The following QSOX2 variants were observed in gnomAD, a reference collection of about 807,000 sequenced individuals.
QSOX2 encodes quiescin sulfhydryl oxidase 2.
Under a neutral mutation model 61.7 loss-of-function variants are expected in QSOX2, and 46 were observed. The observed-to-expected ratio is 0.75, with a 90% CI of 0.59 to 0.95. QSOX2 has a LOEUF of 0.95. Ranked by LOEUF, QSOX2 falls within the 40% of genes least tolerant of loss-of-function variation. QSOX2 has a pLI of 0.00. For synonymous variants in QSOX2, 383 were observed against 388.4 expected (o/e 0.99, Z 0.16); for missense variants, 879 against 918.9 (o/e 0.96, Z 0.56).
chr9:136,220,052 G>A (rs1220896695), intron 6 of QSOX2, among the ~76,000 whole-genome samples: 5 of 152,178 alleles, frequency 3.3e-5, no homozygotes, highest in African/African-American at 1.2e-4. Context: ...CTATTTTTGA[G>A]ACAGGATCTT....
Position 136,208,884 on chromosome 9 carries a change from C to G in QSOX2, c.1941G>C (p.Gly647=). The change falls in exon 12 of 12, where the codon GGG becomes GGC. Residue 647 remains glycine (G), a synonymous_variant. Coordinates refer to ENST00000358701, the MANE Select transcript of QSOX2 (RefSeq NM_181701.4). ...DGPGAHKEVG[G]AAPFLGVDFS... is the part of the protein sequence containing the mutation. ...AGTCAACCCCGAGGAAGGGTGCGGCCCCGCCCACCTCCTTGTGGGCCCCGG... is the reference window on the plus strand; with the variant it reads ...AGTCAACCCCGAGGAAGGGTGCGGCGCCGCCCACCTCCTTGTGGGCCCCGG... The G allele has an allele frequency of 6.2e-7, 1 of 1,613,994 alleles. No individual in the cohort carries two copies. The highest frequency in any genetic ancestry group is 1.1e-5 in the South Asian group (1 of 91,084).
At chr9:136,219,003 G>A (rs1348937365) in intron 7 of QSOX2, 27 bp downstream of exon 7, 2 of 1,613,010 alleles carry the variant, frequency 1.2e-6, no homozygotes, top group African/African-American at 2.7e-5. Flanking sequence ...CTGTCTCCGG[G>A]GGCTTCAGTT....
intron 1 of QSOX2, among the ~76,000 whole-genome samples, chr9:136,241,500 GC>G (rs982479621): frequency 2.0e-5 from 3 of 152,152 alleles, no homozygotes; most frequent in Non-Finnish European, 4.4e-5. Context: ...ATCACAGAAT[GC>G]CCTACCCTTC....
chr9:136,217,254 G>A (rs952320496), intron 8 of QSOX2, among the ~76,000 whole-genome samples: 10 of 152,226 alleles, frequency 6.6e-5, no homozygotes, highest in East Asian at 1.9e-4. Flanking sequence ...TTGGGGAGGC[G>A]TCTGGCTGAG....
chr9:136,223,735 A>ACACCTGGAGCCCACGCAGAGGCCG lies in QSOX2; in HGVS notation c.675+4_675+27dup, dbSNP rs1564293166. On this transcript the variant is annotated intron_variant, in intron 5 of 11. Coordinates refer to ENST00000358701, the MANE Select transcript of QSOX2 (RefSeq NM_181701.4). This position sits in a 1 kb window ranked among gnomAD's most constrained non-coding sequence, Gnocchi z 4.4. ...GCCAACCCCAATCACACCACGTGTG[A>ACACCTGGAGCCCACGCAGAGGCCG]CACCTGGAGCCCACGCAGAGGCCGT... 1 of 1,589,280 alleles carries ACACCTGGAGCCCACGCAGAGGCCG rather than the reference A, an allele frequency of 6.3e-7. No homozygotes were observed. Among genetic ancestry groups the ACACCTGGAGCCCACGCAGAGGCCG allele is most frequent in the Non-Finnish European group, 8.6e-7 (1 of 1,159,626 alleles).
chr9:136,245,378 G>T, intron 1 of QSOX2, 98 bp downstream of exon 1: 1 of 1,002,988 alleles, frequency 1.0e-6, no homozygotes, highest in Non-Finnish European at 1.4e-6. Context: ...AAATACGGGG[G>T]AGGGGCCCCG....
At chr9:136,218,065 C>T (rs189975906) in intron 8 of QSOX2, among the ~76,000 whole-genome samples, 7 of 152,324 alleles carry the variant, frequency 4.6e-5, no homozygotes, top group South Asian at 2.1e-4. Flanking sequence ...AACAAGCAAC[C>T]GAGCTCATGG....
rs782247963 is a variant in QSOX2, at chr9:136,245,479, G to A, written c.325C>T (p.Arg109Ter). 1.3e-6 allele frequency: 2 copies of A among 1,589,854 alleles called. No individual in the cohort carries two copies. Among genetic ancestry groups the A allele is most frequent in the South Asian group, 1.1e-5 (1 of 90,448 alleles). Residue 109 changes from arginine (R) to a stop codon, truncating the protein, a stop_gained, in exon 1 of 12, where the codon CGA becomes TGA. Transcript: ENST00000358701. LOFTEE classifies it high-confidence loss of function. ...PTWRALAGDV[R>*]DWASAIRVAA... ...CCCGCGCGGGGGCGCGCCTCACCTC[G>A]CACATCCCCAGCCAGGGCCCGCCAA...
At chr9:136,236,503 G>C (rs1830383270) in intron 1 of QSOX2, among the ~76,000 whole-genome samples, 1 of 152,252 alleles carries the variant, frequency 6.6e-6, no homozygotes, top group Non-Finnish European at 1.5e-5. Context: ...CACGACAGCA[G>C]AAGAGCCAGC....
At chr9:136,226,960 G>A (rs759486241) in intron 1 of QSOX2, 86 bp from the exon 2 acceptor site, 113 of 1,113,500 alleles carry the variant, frequency 1.0e-4, no homozygotes, top group East Asian at 3.1e-4. Context: ...TCCAGGCTGC[G>A]GCCACCTGCG....
At chr9:136,241,978 T>C (rs1824594153) in intron 1 of QSOX2, among the ~76,000 whole-genome samples, 1 of 152,148 alleles carries the variant, frequency 6.6e-6, no homozygotes, top group South Asian at 2.1e-4. Flanking sequence ...ATCTCACCGG[T>C]CAGACGGGCC....
intron 1 of QSOX2, among the ~76,000 whole-genome samples, chr9:136,227,700 C>G (rs1830294433): frequency 6.6e-6 from 1 of 152,190 alleles, no homozygotes; most frequent in Non-Finnish European, 1.5e-5. Flanking sequence ...CTCCACTGGG[C>G]ATGGTGGCTC....
chr9:136,209,741 T>G lies in QSOX2; in HGVS notation c.1550-466A>C, dbSNP rs895410074. On this transcript the variant is annotated intron_variant, in intron 11 of 11. Coordinates refer to ENST00000358701, the MANE Select transcript of QSOX2 (RefSeq NM_181701.4). The surrounding 1 kb of genome is among the most constrained non-coding windows in gnomAD (Gnocchi z 5.6). ...CAGAGCCCCGGCCACCTGGGTGCTA[T>G]GGACAGTGGGCCTTAGGTGCACCTT... The G allele has an allele frequency of 4.1e-6, 4 of 984,776 alleles. No individual in the cohort carries two copies. In the African/African-American group the frequency reaches 7.0e-5, roughly 17 times the overall value. 61.0% of individuals were successfully genotyped at this position (984,776 alleles called of 1,614,324 possible).
At chr9:136,217,831 G>A (rs1188386036) in intron 8 of QSOX2, among the ~76,000 whole-genome samples, 5 of 152,258 alleles carry the variant, frequency 3.3e-5, no homozygotes, top group Non-Finnish European at 7.3e-5. Context: ...AGGCCAGCTA[G>A]AGATTTCTGA....
At chr9:136,240,571 T>C (rs1830426297) in intron 1 of QSOX2, among the ~76,000 whole-genome samples, 1 of 152,192 alleles carries the variant, frequency 6.6e-6, no homozygotes, top group Non-Finnish European at 1.5e-5. Flanking sequence ...GAGCCCCCTC[T>C]TGGCTGAGCA....
At position 136,236,368 on chromosome 9, in the gene QSOX2, G is replaced by A. The variant is rs540833049; in HGVS notation, c.328+9108C>T. 8.5e-5 allele frequency among the ~76,000 whole-genome samples: 13 copies of A among 152,362 alleles called. No homozygotes were observed. In the East Asian group the frequency reaches 1.7e-3, roughly 20 times the overall value. The stretch of plus-strand genomic sequence containing the variant: ...TGATTCTCCTTCAGCCGGACTAGAC[G>A]GATATTCACAGGTATCTGAAACAGG... On this transcript the variant is annotated intron_variant, in intron 1 of 11. Coordinates refer to ENST00000358701, the MANE Select transcript of QSOX2 (RefSeq NM_181701.4).
At chr9:136,211,188 C>T (rs529948862) in intron 11 of QSOX2, 76 bp downstream of exon 11, 57 of 1,475,316 alleles carry the variant, frequency 3.9e-5, no homozygotes, top group Admixed American at 3.2e-4. Flanking sequence ...CCACGGCAGC[C>T]GTGCCGTCCT....
rs139939482 is a variant in QSOX2, at chr9:136,219,147, G to A, written c.839C>T (p.Ala280Val). The change falls in exon 7 of 12, where the codon GCC (alanine) becomes GTC (valine). Residue 280 changes from alanine to valine, a missense_variant. By Grantham distance (64) the Ala-to-Val change is moderately conservative. Coordinates refer to ENST00000358701, the MANE Select transcript of QSOX2 (RefSeq NM_181701.4). The part of the protein sequence containing the change: ...GLINVVKPLR[A>V]FFSSYLKSLP... ...TGACTTCAAATAAGACGAAAAGAAG[G>A]CCCGCAGAGGCTTCACGCTGTGAGA... 500 of 1,613,792 alleles carry A rather than the reference G, an allele frequency of 3.1e-4. 1 individual carries two copies. Among genetic ancestry groups the A allele is most frequent in the Admixed American group, 1.0e-4 (6 of 60,002 alleles).
intron 9 of QSOX2, among the ~76,000 whole-genome samples, chr9:136,215,850 G>C (rs1315095706): frequency 4.6e-5 from 7 of 152,216 alleles, no homozygotes; most frequent in African/African-American, 1.7e-4. Context: ...CCTGAGCCCA[G>C]GACGTGCTCT....
Sources: allele counts gnomAD v4.1 joint callset (sites outside exome capture counted in the v4.1 genomes callset), GRCh38; gene constraint gnomAD v4.1.1; non-coding constraint Gnocchi (gnomAD v3.1); transcripts MANE v1.5; gene names NCBI Gene and HGNC (gene_info 2026-07-23, HGNC 2026-07-21).